The following NSD3 variants were observed in gnomAD, a reference collection of about 807,000 sequenced individuals.
NSD3 encodes histone-lysine N-methyltransferase NSD3.
Under a neutral mutation model 160.8 loss-of-function variants are expected in NSD3, and 24 were observed. The observed-to-expected ratio is 0.15, with a 90% CI of 0.11 to 0.21. The LOEUF is 0.21. NSD3 is among the 10% of genes least tolerant of loss of function. The pLI is 1.00. For synonymous variants in NSD3, 520 were observed against 600.0 expected, an observed-to-expected ratio of 0.87 and a Z score of 1.95; for missense variants, 1,157 against 1,735.9, an observed-to-expected ratio of 0.67 and a Z score of 5.93.
At chr8:38,303,273 G>A in intron 14 of NSD3, 3 of 985,380 alleles carry the variant, frequency 3.0e-6, no homozygotes, top group Non-Finnish European at 3.6e-6. Context: ...TGCAGAGATG[G>A]GAAAGGCAAT....
At chr8:38,280,759 T>C (rs901158945) in intron 20 of NSD3, among the ~76,000 whole-genome samples, 29 of 151,478 alleles carry the variant, frequency 1.9e-4, no homozygotes, top group African/African-American at 5.8e-4. Context: ...TATTTTCTTT[T>C]TTTTTTTTTT....
Position 38,276,348 on chromosome 8 carries a change from G to A in NSD3, c.4020C>T (p.Asp1340=), listed in dbSNP as rs1000718873. 6.2e-7 allele frequency: 1 copy of A among 1,614,212 alleles called. No individual in the cohort carries two copies. Residue 1340 remains aspartate (D), a synonymous_variant, in exon 23 of 24, where the codon GAC becomes GAT. Transcript: ENST00000317025. The part of the protein sequence containing the change: ...GGELVMCDKK[D]CPKAYHLLCL... The stretch of plus-strand genomic sequence containing the variant: ...ATAGGAGGTGGTATGCTTTGGGACA[G>A]TCTTTTTTGTCACACATGACCAGCT...
At chr8:38,366,381 G>T (rs1228448459) in intron 1 of NSD3, among the ~76,000 whole-genome samples, 1 of 149,924 alleles carries the variant, frequency 6.7e-6, no homozygotes, top group Non-Finnish European at 1.5e-5. Context: ...TAATCACAAG[G>T]CAAAGAATGT....
At chr8:38,365,163 T>C (rs1044041314) in intron 1 of NSD3, among the ~76,000 whole-genome samples, 2 of 152,218 alleles carry the variant, frequency 1.3e-5, no homozygotes, top group Non-Finnish European at 2.9e-5. Flanking sequence ...AACATTTCTA[T>C]ACAAAATTAA....
At chr8:38,365,671 G>C (rs1299762955) in intron 1 of NSD3, among the ~76,000 whole-genome samples, 2 of 151,854 alleles carry the variant, frequency 1.3e-5, no homozygotes, top group Admixed American at 1.3e-4. Flanking sequence ...CGGGGTTTCC[G>C]CATGTTGGCC....
Position 38,278,431 on chromosome 8 carries a change from A to C in NSD3, c.3761-19T>G. On this transcript the variant is annotated intron_variant, in intron 21 of 23. Coordinates refer to ENST00000317025, the MANE Select transcript of NSD3 (RefSeq NM_023034.2). ...TCCATCCCTGAAACACAGGAGAAAT[A>C]ATTATTCAAACTCGAGTCATGGGGA... The C allele has an allele frequency of 6.3e-7, 1 of 1,593,362 alleles. No individual in the cohort carries two copies. Among genetic ancestry groups the C allele is most frequent in the Non-Finnish European group, 8.6e-7 (1 of 1,167,640 alleles).
At chr8:38,347,175 A>G (rs772769756) in intron 2 of NSD3, among the ~76,000 whole-genome samples, 1 of 152,206 alleles carries the variant, frequency 6.6e-6, no homozygotes, top group Non-Finnish European at 1.5e-5. Flanking sequence ...ATAATTAGCT[A>G]TCTTCTCTTT....
chr8:38,358,682 T>A (rs1474489213), intron 1 of NSD3, among the ~76,000 whole-genome samples: 1 of 152,190 alleles, frequency 6.6e-6, no homozygotes, highest in South Asian at 2.1e-4. Flanking sequence ...TATATTCATA[T>A]ACTAATTTCT....
rs145818865 is a variant in NSD3 at position 38,366,537 on chromosome 8, G to A, written c.-45+15262C>T. 8.7e-3 allele frequency among the ~76,000 whole-genome samples: 1,306 copies of A among 150,248 alleles called. 23 individuals carry two copies. The highest frequency in any genetic ancestry group is 0.031 in the African/African-American group (1,250 of 40,924). On this transcript the variant is annotated intron_variant, in intron 1 of 23. Transcript: ENST00000317025. ...TCAAGCAATTCTCTGCCTCAGCCTC[G>A]TGAGTAGCTGGGACTACAGGCGCCC...
At chr8:38,352,286 T>C (rs1810722049) in intron 1 of NSD3, among the ~76,000 whole-genome samples, 1 of 152,122 alleles carries the variant, frequency 6.6e-6, no homozygotes, top group South Asian at 2.1e-4. Context: ...GGAAATGATT[T>C]TGGAAGTCCT....
chr8:38,374,927 A>C (rs991800668), intron 1 of NSD3, among the ~76,000 whole-genome samples: 12 of 152,158 alleles, frequency 7.9e-5, no homozygotes, highest in Non-Finnish European at 1.3e-4. Context: ...TGGCGCGAAC[A>C]CGGGAGGCGG....
chr8:38,347,834 T>C lies in NSD3; in HGVS notation c.338A>G (p.His113Arg), dbSNP rs762364494. 1 of 1,614,212 alleles carries C rather than the reference T, an allele frequency of 6.2e-7. No homozygotes were observed. The highest frequency in any genetic ancestry group is 8.5e-7 in the Non-Finnish European group (1 of 1,180,036). The change falls in exon 2 of 24, where the codon CAT becomes CGT. Residue 113 changes from histidine to arginine, a missense_variant. Transcript: ENST00000317025. ...TGGTCTTGTGTTTGGAATTTCTGAA[T>C]GATAATAGTCAGTGGGGCTAAAGTT... ...VRNFSPTDYY[H>R]SEIPNTRPHE...
intron 2 of NSD3, among the ~76,000 whole-genome samples, chr8:38,339,377 TGG>T (rs1368657281): frequency 4.6e-5 from 7 of 152,118 alleles, no homozygotes; most frequent in African/African-American, 1.7e-4. Context: ...GTAAAAAATA[TGG>T]ATAAGTATGA....
Position 38,314,729 on chromosome 8 carries a change from C to T in NSD3, c.2160G>A (p.Glu720=), listed in dbSNP as rs1252690587. 3 of 1,614,090 alleles carry T rather than the reference C, an allele frequency of 1.9e-6. No homozygotes were observed. The highest frequency in any genetic ancestry group is 2.5e-6 in the Non-Finnish European group (3 of 1,180,032). Residue 720 remains glutamate, a synonymous_variant, in exon 12 of 24, where the codon GAG becomes GAA. Coordinates refer to ENST00000317025, the MANE Select transcript of NSD3 (RefSeq NM_023034.2). ...SGDSLIPCEG[E]CCKHFHLECL... ...ACTCCAGGTGAAAGTGTTTGCAGCACTCTCCCTCACAAGGAATCAGAGAGT... is the reference window on the plus strand; with the variant it reads ...ACTCCAGGTGAAAGTGTTTGCAGCATTCTCCCTCACAAGGAATCAGAGAGT...
chr8:38,375,495 T>A (rs1811366813), intron 1 of NSD3, among the ~76,000 whole-genome samples: 1 of 152,164 alleles, frequency 6.6e-6, no homozygotes, highest in South Asian at 2.1e-4. Flanking sequence ...TGCTACACAG[T>A]GCAGGTACAA....
chr8:38,358,954 T>C (rs192882142), intron 1 of NSD3, among the ~76,000 whole-genome samples: 1 of 152,008 alleles, frequency 6.6e-6, no homozygotes, highest in East Asian at 1.9e-4. Flanking sequence ...TTATTTTCAG[T>C]ATATGGGTTT....
chr8:38,336,783 G>C (rs1228136784), intron 4 of NSD3, among the ~76,000 whole-genome samples: 1 of 152,050 alleles, frequency 6.6e-6, no homozygotes, highest in Non-Finnish European at 1.5e-5. Context: ...GGGAAACAAG[G>C]ACTGCATTAG....
At chr8:38,338,501 T>C in intron 3 of NSD3, 35 bp downstream of exon 3, 3 of 1,533,478 alleles carry the variant, frequency 2.0e-6, no homozygotes, top group East Asian at 2.2e-5. Flanking sequence ...TCTTCCACCA[T>C]ATTTGGTTAG....
At chr8:38,290,236 T>C (rs1485005441) in intron 17 of NSD3, among the ~76,000 whole-genome samples, 1 of 151,800 alleles carries the variant, frequency 6.6e-6, no homozygotes, top group Non-Finnish European at 1.5e-5. Flanking sequence ...AGACTATTCC[T>C]AGAATAATCT....
Sources: allele counts gnomAD v4.1 joint callset (sites outside exome capture counted in the v4.1 genomes callset), GRCh38; gene constraint gnomAD v4.1.1; transcripts MANE v1.5; gene names NCBI Gene and HGNC (gene_info 2026-07-23, HGNC 2026-07-21).